Variants in PBX1 observed in about 807,000 individuals in gnomAD.
PBX1 encodes PBX homeobox 1, also known as pre-B-cell leukemia transcription factor 1.
A neutral mutation model predicts 53.4 loss-of-function variants in PBX1; 6 were observed. The observed-to-expected ratio is 0.11, with a 90% CI of 0.06 to 0.22. The LOEUF is 0.22. Among genes scored for constraint, PBX1 ranks in the 10% least tolerant of loss-of-function variants. The probability of loss-of-function intolerance (pLI) is 1.00; values close to 1 mark genes in which losing one functional copy is unlikely to be tolerated. For synonymous variants in PBX1, 204 were observed against 212.3 expected, an observed-to-expected ratio of 0.96 and a Z score of 0.34; for missense variants, 251 against 551.4, an observed-to-expected ratio of 0.46 and a Z score of 5.46.
chr1:164,580,283 T>G (rs1345676473), intron 2 of PBX1, among the ~76,000 whole-genome samples: 2 of 152,202 alleles, frequency 1.3e-5, no homozygotes, highest in Admixed American at 6.5e-5. Flanking sequence ...TCCACCTGAC[T>G]TTTTTTATTT....
intron 8 of PBX1, among the ~76,000 whole-genome samples, chr1:164,837,760 A>G (rs949512809): frequency 1.3e-5 from 2 of 152,210 alleles, no homozygotes; most frequent in African/African-American, 2.4e-5. Flanking sequence ...TTGTATGTCC[A>G]TTTAGCCTAA....
chr1:164,713,935 T>C (rs1663939882), intron 2 of PBX1, among the ~76,000 whole-genome samples: 5 of 152,180 alleles, frequency 3.3e-5, no homozygotes, highest in African/African-American at 1.2e-4. Flanking sequence ...ATTTCTTCTG[T>C]CATTTAGATC....
chr1:164,862,435 T>C (rs1672122508), intron 2 of PBX1, among the ~76,000 whole-genome samples: 1 of 152,224 alleles, frequency 6.6e-6, no homozygotes, highest in Non-Finnish European at 1.5e-5. Flanking sequence ...TTTACCTTTC[T>C]GGCTCTCTTC....
At chr1:164,826,292 CAA>C (rs34632461) in intron 8 of PBX1, among the ~76,000 whole-genome samples, 31,477 of 152,050 alleles carry the variant, frequency 0.21, 3,562 homozygotes, top group African/African-American at 0.29. Flanking sequence ...TCTTGAAACC[CAA>C]ATGGGAAGGA....
chr1:164,636,131 G>T (rs993489600), intron 2 of PBX1, among the ~76,000 whole-genome samples: 5 of 151,404 alleles, frequency 3.3e-5, no homozygotes, highest in Non-Finnish European at 7.4e-5. Flanking sequence ...TTTAGTTCTA[G>T]CCCCCAGCAT....
intron 2 of PBX1, among the ~76,000 whole-genome samples, chr1:164,883,508 T>C (rs918800694): frequency 1.3e-5 from 2 of 152,232 alleles, no homozygotes; most frequent in Non-Finnish European, 2.9e-5. Flanking sequence ...ACAATAGTCC[T>C]CATTTTCCAT....
At position 164,836,596 on chromosome 1, in the gene PBX1, C is replaced by T. The variant is rs112563317; in HGVS notation, c.1201-9988C>T. Among the ~76,000 whole-genome samples, 239 of 152,252 alleles carry T rather than the reference C, an allele frequency of 1.6e-3. 1 individual carries two copies. The highest frequency in any genetic ancestry group is 5.4e-3 in the African/African-American group (225 of 41,556). On this transcript the variant is annotated intron_variant, in intron 8 of 8. Coordinates refer to ENST00000420696, the MANE Select transcript of PBX1 (RefSeq NM_002585.4). ...TATCCTCCCATCAGTAAATTTGGCA[C>T]AATGGATACTAGCACTCCGTTCTCG...
intron 2 of PBX1, among the ~76,000 whole-genome samples, chr1:164,776,481 TC>T (rs1333231006): frequency 1.3e-5 from 2 of 152,228 alleles, no homozygotes; most frequent in Non-Finnish European, 2.9e-5. Context: ...GAGTGTTATC[TC>T]CCTCTTTTCT....
downstream of PBX1, among the ~76,000 whole-genome samples, chr1:164,856,467 A>G (rs770365175): frequency 6.6e-6 from 1 of 152,008 alleles, no homozygotes. Flanking sequence ...TCTCTAAATT[A>G]TATTTTTAAT....
intron 2 of PBX1, among the ~76,000 whole-genome samples, chr1:164,706,650 T>G (rs1663442291): frequency 6.6e-6 from 1 of 152,190 alleles, no homozygotes; most frequent in Non-Finnish European, 1.5e-5. Flanking sequence ...GTGAACTGTC[T>G]TCTCTACAAA....
rs1332887753 is a variant in PBX1, at chr1:164,792,580, G to T, written c.352G>T (p.Ala118Ser). The T allele has an allele frequency of 6.2e-7, 1 of 1,614,104 alleles. No individual in the cohort carries two copies. The change falls in exon 3 of 9, where the codon GCG becomes TCG. Residue 118 changes from alanine (A) to serine (S), a missense_variant. Transcript: ENST00000420696. ...CAACATGCTGTTAGCGGAAGGCGTG[G>T]CGGGGCCTGAGAAGGGCGGAGGGTC... Reference protein sequence around the residue: ...LDNMLLAEGVAGPEKGGGSAA... With the variant: ...LDNMLLAEGVSGPEKGGGSAA...
intron 2 of PBX1, among the ~76,000 whole-genome samples, chr1:164,728,363 A>G (rs1274603675): frequency 6.6e-6 from 1 of 151,882 alleles, no homozygotes; most frequent in Non-Finnish European, 1.5e-5. Flanking sequence ...AGATTGGTGA[A>G]CCATTTTAGG....
intron 2 of PBX1, among the ~76,000 whole-genome samples, chr1:164,675,582 G>A (rs2101983713): frequency 6.6e-6 from 1 of 152,140 alleles, no homozygotes; most frequent in Admixed American, 6.5e-5. Flanking sequence ...GGGGCATCAG[G>A]AATTATTCTG....
chr1:164,837,634 C>A (rs1254476874), intron 8 of PBX1, among the ~76,000 whole-genome samples: 2 of 152,140 alleles, frequency 1.3e-5, no homozygotes, highest in Non-Finnish European at 2.9e-5. Flanking sequence ...AAGTAGAATT[C>A]TCTGCACTAA....
chr1:164,676,922 C>A (rs1428103898), intron 2 of PBX1, among the ~76,000 whole-genome samples: 1 of 152,136 alleles, frequency 6.6e-6, no homozygotes, highest in Non-Finnish European at 1.5e-5. Context: ...CTCATCTCAA[C>A]ACTGTCATAC....
At chr1:164,853,781 T>C (rs1671914705), downstream of PBX1, among the ~76,000 whole-genome samples, 1 of 152,036 alleles carries the variant, frequency 6.6e-6, no homozygotes, top group Admixed American at 6.5e-5. Flanking sequence ...CAGCCAGCAG[T>C]CATCTTAAAG....
chr1:164,607,098 AG>A (rs370444537), intron 2 of PBX1, among the ~76,000 whole-genome samples: 205 of 152,342 alleles, frequency 1.3e-3, no homozygotes, highest in African/African-American at 4.7e-3. Context: ...AACAGGAGTA[AG>A]TAGATTGGGG....
chr1:164,672,895 G>A (rs370048308), intron 2 of PBX1, among the ~76,000 whole-genome samples: 7 of 152,230 alleles, frequency 4.6e-5, no homozygotes, highest in Admixed American at 6.5e-5. Flanking sequence ...TCAAAGGCAG[G>A]AGTGAGATGT....
intron 5 of PBX1, among the ~76,000 whole-genome samples, chr1:164,808,065 C>CT (rs1269583164): frequency 6.6e-6 from 1 of 152,164 alleles, no homozygotes; most frequent in Non-Finnish European, 1.5e-5. Flanking sequence ...AACCCAGGAA[C>CT]TTTAAGAGTC....
Sources: allele counts gnomAD v4.1 joint callset (sites outside exome capture counted in the v4.1 genomes callset), GRCh38; gene constraint gnomAD v4.1.1; transcripts MANE v1.5; gene names NCBI Gene and HGNC (gene_info 2026-07-23, HGNC 2026-07-21).